The following MANBA variants were observed in gnomAD, a reference collection of about 807,000 sequenced individuals.
The protein encoded by MANBA is mannosidase beta, also known as beta-mannosidase.
MANBA carries 83 observed loss-of-function variants against 111.1 expected under a neutral mutation model. That is an observed-to-expected ratio of 0.75 (90% CI 0.63 to 0.90). MANBA has a LOEUF of 0.90. Ranked by LOEUF, MANBA falls within the 40% of genes least tolerant of loss-of-function variation. The pLI is 0.00. For missense variants in MANBA, 1,036 were observed against 1,069.0 expected, an observed-to-expected ratio of 0.97 and a Z score of 0.43; for synonymous variants, 370 against 378.7, an observed-to-expected ratio of 0.98 and a Z score of 0.27.
At position 102,690,761 on chromosome 4, in the gene MANBA, G is replaced by A; in HGVS notation, c.684C>T (p.Ala228=). The change falls in exon 6 of 17, where the codon GCC becomes GCT. Residue 228 remains alanine, a synonymous_variant. Transcript: ENST00000647097. The part of the protein sequence containing the change: ...FTFSPIYDKS[A]QEWNLEIEST... ...ACTCTATTTCCAGATTCCACTCCTGGGCACTCTTATCTAAAATATAAAAAG... is the reference window on the plus strand; with the variant it reads ...ACTCTATTTCCAGATTCCACTCCTGAGCACTCTTATCTAAAATATAAAAAG... 1.3e-6 allele frequency: 2 copies of A among 1,512,332 alleles called. No homozygotes were observed. The highest frequency in any genetic ancestry group is 1.8e-6 in the Non-Finnish European group (2 of 1,116,204). The allele number at this position is 1,512,332 out of a possible 1,614,324, so 93.7% of individuals were successfully genotyped here. A position where few individuals can be genotyped will look rare whatever the true frequency, so the allele number is the denominator to read the frequency against.
intron 7 of MANBA, among the ~76,000 whole-genome samples, chr4:102,674,923 T>A (rs188248619): frequency 1.3e-5 from 2 of 152,354 alleles, no homozygotes; most frequent in East Asian, 3.9e-4. Context: ...AATTATTTCA[T>A]GTAATAAAAG....
intron 16 of MANBA, 97 bp from the exon 17 acceptor site, chr4:102,632,378 G>A: frequency 9.9e-7 from 1 of 1,010,440 alleles, no homozygotes; most frequent in Non-Finnish European, 1.5e-6. Flanking sequence ...GGCTTAACAA[G>A]GAGTCCACTT....
Position 102,631,829 on chromosome 4 carries a change from A to G in MANBA, c.*228T>C. The G allele has an allele frequency of 1.6e-6, 1 of 617,832 alleles. No individual in the cohort carries two copies. Among genetic ancestry groups the G allele is most frequent in the Non-Finnish European group, 2.9e-6 (1 of 347,920 alleles). 38.3% of individuals were successfully genotyped at this position (617,832 alleles called of 1,614,324 possible). A position where few individuals can be genotyped will look rare whatever the true frequency, so the allele number is the denominator to read the frequency against. The stretch of plus-strand genomic sequence containing the variant: ...AGGGCTAAAAACACAGTCCTGGCAC[A>G]GATTCCAGGACACCCCGGCACAGGC... On this transcript the variant is annotated 3_prime_UTR_variant, in exon 17 of 17. Coordinates refer to ENST00000647097, the MANE Select transcript of MANBA (RefSeq NM_005908.4).
intron 11 of MANBA, among the ~76,000 whole-genome samples, chr4:102,659,401 T>A (rs778032947): frequency 6.6e-6 from 1 of 152,216 alleles, no homozygotes; most frequent in East Asian, 1.9e-4. Flanking sequence ...TTTCGTGGTA[T>A]ATCCATTCAT....
At chr4:102,724,531 A>G (rs1032741340) in intron 2 of MANBA, among the ~76,000 whole-genome samples, 3 of 138,008 alleles carry the variant, frequency 2.2e-5, no homozygotes, top group Admixed American at 7.5e-5. Flanking sequence ...TGCACTTGCA[A>G]GATTCCGTCT....
At chr4:102,732,179 G>C (rs774255804) in intron 1 of MANBA, among the ~76,000 whole-genome samples, 3 of 152,148 alleles carry the variant, frequency 2.0e-5, no homozygotes, top group Non-Finnish European at 4.4e-5. Context: ...CCAAAGTGCT[G>C]GGATTACAGA....
rs1729780635 is a variant in MANBA, at chr4:102,639,707, G to T, written c.2014+6C>A. 6.2e-7 allele frequency: 1 copy of T among 1,613,974 alleles called. No individual in the cohort carries two copies. Among genetic ancestry groups the T allele is most frequent in the Non-Finnish European group, 8.5e-7 (1 of 1,180,006 alleles). ...TCACTCGCACAAAGAACGCTGAAAT[G>T]CTTACCAAGAGAAGCCCAGGAAGGA... is the stretch of plus-strand genomic sequence containing the variant. On this transcript the variant is annotated splice_donor_region_variant and intron_variant, in intron 14 of 16. Coordinates refer to ENST00000647097, the MANE Select transcript of MANBA (RefSeq NM_005908.4).
intron 1 of MANBA, among the ~76,000 whole-genome samples, chr4:102,747,044 A>G (rs1296711699): frequency 6.6e-6 from 1 of 151,970 alleles, no homozygotes; most frequent in Non-Finnish European, 1.5e-5. Context: ...AGCCAACTCC[A>G]GAAACCCCAA....
chr4:102,636,211 G>A (rs1729627441), intron 14 of MANBA, among the ~76,000 whole-genome samples: 2 of 152,180 alleles, frequency 1.3e-5, no homozygotes, highest in Admixed American at 1.3e-4. Context: ...ATCTGGGCAG[G>A]CACTAACGAA....
chr4:102,669,952 C>G (rs1293573920), intron 9 of MANBA, among the ~76,000 whole-genome samples: 1 of 151,852 alleles, frequency 6.6e-6, no homozygotes, highest in Non-Finnish European at 1.5e-5. Context: ...TGCACTCCAG[C>G]CTGGGTGACA....
chr4:102,722,557 T>C, intron 4 of MANBA: 1 of 338,794 alleles, frequency 3.0e-6, no homozygotes, highest in East Asian at 7.1e-5. Flanking sequence ...CACAATCTGG[T>C]GAAAAGTTTG....
intron 4 of MANBA, among the ~76,000 whole-genome samples, chr4:102,721,492 C>T (rs1385104843): frequency 6.6e-6 from 1 of 152,076 alleles, no homozygotes; most frequent in Admixed American, 6.5e-5. Flanking sequence ...CAGCATTATT[C>T]ACAATAGTCA....
intron 1 of MANBA, among the ~76,000 whole-genome samples, chr4:102,743,189 TC>T (rs1459710678): frequency 6.6e-6 from 1 of 152,166 alleles, no homozygotes; most frequent in Non-Finnish European, 1.5e-5. Flanking sequence ...TTCAGAGAGG[TC>T]CACCCACGTA....
rs10712070 is a variant in MANBA at position 102,634,488 on chromosome 4, TG to T, written c.2415+299del. ...ACCTAGAACACAGCCTGGAACCTAG[TG>T]GGCATGCAGGCAGTGGTGATGACTC... On this transcript the variant is annotated intron_variant, in intron 16 of 16. Coordinates refer to ENST00000647097, the MANE Select transcript of MANBA (RefSeq NM_005908.4). Among the ~76,000 whole-genome samples, 83,469 of 151,988 alleles carry T rather than the reference TG, an allele frequency of 0.55. 23,353 individuals are homozygous for T. The highest frequency in any genetic ancestry group is 0.63 in the African/African-American group (26,132 of 41,446).
chr4:102,734,011 T>C (rs971440348), intron 1 of MANBA, among the ~76,000 whole-genome samples: 1 of 152,240 alleles, frequency 6.6e-6, no homozygotes, highest in African/African-American at 2.4e-5. Flanking sequence ...AATTATTCTT[T>C]ACAATATTGC....
chr4:102,700,015 G>A (rs1732942450), intron 5 of MANBA, among the ~76,000 whole-genome samples: 1 of 151,670 alleles, frequency 6.6e-6, no homozygotes. Context: ...GTAAGCTATT[G>A]ATTATTGCCA....
chr4:102,687,853 C>T (rs974984471), intron 7 of MANBA, among the ~76,000 whole-genome samples: 6 of 152,094 alleles, frequency 3.9e-5, no homozygotes, highest in African/African-American at 1.4e-4. Context: ...AGTAGGTGTG[C>T]CCTAAGTATT....
At chr4:102,751,491 G>T in intron 1 of MANBA, 1 of 529,434 alleles carries the variant, frequency 1.9e-6, no homozygotes, top group Admixed American at 1.9e-5. Context: ...CTCTGAATTT[G>T]CTGACCTTAG....
chr4:102,634,461 G>C (rs1298317733), intron 16 of MANBA, among the ~76,000 whole-genome samples: 1 of 138,754 alleles, frequency 7.2e-6, no homozygotes, highest in African/African-American at 2.8e-5. Flanking sequence ...ATGAGGTGAA[G>C]CACCTAGAAC....
Sources: gnomAD v4.1 joint callset for allele counts (sites outside exome capture counted in the v4.1 genomes callset) on GRCh38, gnomAD v4.1.1 for gene constraint, MANE v1.5 for transcripts, NCBI Gene and HGNC (gene_info 2026-07-23, HGNC 2026-07-21) for gene names.